The following ENPP6 variants were observed in gnomAD, a reference collection of about 807,000 sequenced individuals.
ENPP6 encodes ectonucleotide pyrophosphatase/phosphodiesterase 6.
A neutral mutation model predicts 42.0 loss-of-function variants in ENPP6; 32 were observed. That is an observed-to-expected ratio of 0.76 (90% CI 0.58 to 1.02). ENPP6 has a LOEUF of 1.02. Ranked by LOEUF, ENPP6 falls within the 50% of genes least tolerant of loss-of-function variation. ENPP6 has a pLI of 0.00. For missense variants in ENPP6, 552 were observed against 566.8 expected, an observed-to-expected ratio of 0.97 and a Z score of 0.27; for synonymous variants, 213 against 216.0, an observed-to-expected ratio of 0.99 and a Z score of 0.12.
At chr4:184,127,298 G>GA (rs1314969633) in intron 2 of ENPP6, among the ~76,000 whole-genome samples, 3 of 151,254 alleles carry the variant, frequency 2.0e-5, no homozygotes, top group African/African-American at 7.3e-5. Context: ...TAACCATTAG[G>GA]AAAAAAACAA....
At chr4:184,160,725 T>A (rs972235432) in intron 1 of ENPP6, among the ~76,000 whole-genome samples, 1 of 152,202 alleles carries the variant, frequency 6.6e-6, no homozygotes, top group African/African-American at 2.4e-5. Context: ...GCTCTCCGTA[T>A]GACTGGTTCC....
chr4:184,099,294 G>A (rs532475606), intron 6 of ENPP6, among the ~76,000 whole-genome samples: 15 of 152,356 alleles, frequency 9.8e-5, no homozygotes, highest in South Asian at 6.2e-4. Context: ...CAGACACAAA[G>A]CACTAACAGG....
chr4:184,184,866 G>A lies in ENPP6; in HGVS notation c.242-31133C>T, dbSNP rs1336574920. Among the ~76,000 whole-genome samples the A allele has an allele frequency of 6.6e-6, 1 of 151,944 alleles. No homozygotes were observed. The highest frequency in any genetic ancestry group is 1.5e-5 in the Non-Finnish European group (1 of 67,960). ...TCTTGCCTCGAGAACCATGGCAGTC[G>A]ATTCCTGTTGTCTGAGCCACCCAGC... On this transcript the variant is annotated intron_variant, in intron 1 of 7. Coordinates refer to ENST00000296741, the MANE Select transcript of ENPP6 (RefSeq NM_153343.4). This position sits in a 1 kb window ranked among gnomAD's most constrained non-coding sequence, Gnocchi z 4.7.
At chr4:184,119,326 TGTGTGTGTGTGTG>T (rs552216222) in intron 3 of ENPP6, among the ~76,000 whole-genome samples, 1,506 of 26,014 alleles carry the variant, frequency 0.058, 26 homozygotes, top group African/African-American at 0.2. Flanking sequence ...TGTGTGTGTG[TGTGTGTGTGTGTG>T]TGTGTGTGTG....
intron 1 of ENPP6, among the ~76,000 whole-genome samples, chr4:184,162,884 GGCATGAAGAAGCAACCCAGGAGGAA>G (rs1488560494): frequency 6.6e-6 from 1 of 152,128 alleles, no homozygotes; most frequent in Non-Finnish European, 1.5e-5. Context: ...GGGAGCCAAT[GGCATGAAGAAGCAACCCAGGAGGAA>G]TGGCAGCAGC....
chr4:184,209,427 T>A (rs1283276245), intron 1 of ENPP6, among the ~76,000 whole-genome samples: 1 of 151,410 alleles, frequency 6.6e-6, no homozygotes, highest in Non-Finnish European at 1.5e-5. Flanking sequence ...GCTCGAGAAC[T>A]ACGTGAAGAA....
At chr4:184,093,113 C>T (rs898426055) in intron 7 of ENPP6, among the ~76,000 whole-genome samples, 2 of 152,136 alleles carry the variant, frequency 1.3e-5, no homozygotes, top group South Asian at 4.1e-4. Flanking sequence ...CCAGCCTGCA[C>T]CCAGCATGCA....
chr4:184,101,207 G>A (rs1320545868), intron 6 of ENPP6, among the ~76,000 whole-genome samples: 1 of 152,016 alleles, frequency 6.6e-6, no homozygotes, highest in Admixed American at 6.6e-5. Context: ...GAGTGTGTGA[G>A]TGCATGAGTG....
At chr4:184,185,315 T>A (rs1732615698) in intron 1 of ENPP6, among the ~76,000 whole-genome samples, 1 of 152,174 alleles carries the variant, frequency 6.6e-6, no homozygotes, top group South Asian at 2.1e-4. Context: ...TGAATGTCAC[T>A]AAATTCACAC....
At position 184,127,608 on chromosome 4, in the gene ENPP6, C is replaced by T. The variant is rs148811866; in HGVS notation, c.422-3336G>A. Among the ~76,000 whole-genome samples the T allele has an allele frequency of 5.2e-3, 796 of 152,192 alleles. 9 individuals are homozygous for T. Among genetic ancestry groups the T allele is most frequent in the South Asian group, 0.038 (181 of 4,818 alleles). On this transcript the variant is annotated intron_variant, in intron 2 of 7. Transcript: ENST00000296741. ...CCCTGCCTCTACCAAAAATATAAAA[C>T]TAGCCAGGCGTAGTGCTGTGTGCCT...
At chr4:184,105,338 G>T (rs1002073865) in intron 6 of ENPP6, among the ~76,000 whole-genome samples, 8 of 152,206 alleles carry the variant, frequency 5.3e-5, no homozygotes, top group Admixed American at 5.2e-4. Context: ...TTCTGTTTCT[G>T]CAAGTGTGAA....
Position 184,117,909 on chromosome 4 carries a change from A to G in ENPP6, c.534-9T>C. 6.2e-7 allele frequency: 1 copy of G among 1,613,548 alleles called. No individual in the cohort carries two copies. Among genetic ancestry groups the G allele is most frequent in the Non-Finnish European group, 8.5e-7 (1 of 1,179,796 alleles). On this transcript the variant is annotated splice_polypyrimidine_tract_variant and intron_variant, in intron 3 of 7. Coordinates refer to ENST00000296741, the MANE Select transcript of ENPP6 (RefSeq NM_153343.4). Reference sequence around the variant, plus strand: ...GGTCGGCCCGGCCACTCCTGGAGGGACAGAGGAGAGAGGCATAGGTGAGGG... The same window carrying G: ...GGTCGGCCCGGCCACTCCTGGAGGGGCAGAGGAGAGAGGCATAGGTGAGGG...
chr4:184,107,784 G>T (rs9999626), intron 6 of ENPP6, among the ~76,000 whole-genome samples: 53,295 of 151,666 alleles, frequency 0.35, 10,728 homozygotes, highest in Non-Finnish European at 0.47. Flanking sequence ...GCGTGGTGGC[G>T]GGCGCCTGTT....
intron 6 of ENPP6, 21 bp from the exon 7 acceptor site, chr4:184,097,389 C>T (rs1057294668): frequency 1.2e-6 from 2 of 1,613,528 alleles, no homozygotes; most frequent in Admixed American, 1.7e-5. Flanking sequence ...GCAAGGCAGA[C>T]ACATGACACT....
At chr4:184,127,792 A>G (rs770638763) in intron 2 of ENPP6, among the ~76,000 whole-genome samples, 1 of 152,246 alleles carries the variant, frequency 6.6e-6, no homozygotes, top group Non-Finnish European at 1.5e-5. Context: ...AGCCTAAGTG[A>G]TAACTATTAA....
In ENPP6 at chr4:184,145,415, T is replaced by C. The variant is rs561822441; in HGVS notation, c.421+8139A>G. Reference sequence around the variant, plus strand: ...AATGACACATTTTGTTTTCCATTCCTGAGGCAGCGCTCAATTGATTTTAAG... The same window carrying C: ...AATGACACATTTTGTTTTCCATTCCCGAGGCAGCGCTCAATTGATTTTAAG... On this transcript the variant is annotated intron_variant, in intron 2 of 7. Coordinates refer to ENST00000296741, the MANE Select transcript of ENPP6 (RefSeq NM_153343.4). Among the ~76,000 whole-genome samples the C allele has an allele frequency of 2.0e-3, 300 of 152,372 alleles. 5 individuals carry two copies. In the South Asian group the frequency reaches 0.053, roughly 27 times the overall value.
chr4:184,114,181 G>A (rs1736276864), intron 5 of ENPP6, among the ~76,000 whole-genome samples: 1 of 152,086 alleles, frequency 6.6e-6, no homozygotes, highest in African/African-American at 2.4e-5. Flanking sequence ...GGCCAGGCTG[G>A]TCTTGAACCC....
intron 5 of ENPP6, among the ~76,000 whole-genome samples, chr4:184,116,162 G>C (rs1736310335): frequency 6.6e-6 from 1 of 152,170 alleles, no homozygotes; most frequent in African/African-American, 2.4e-5. Context: ...GGCAAAGCTT[G>C]CAGTGAGCCG....
intron 2 of ENPP6, among the ~76,000 whole-genome samples, chr4:184,134,615 CTCTT>C (rs1736700780): frequency 2.0e-5 from 3 of 151,786 alleles, no homozygotes; most frequent in Admixed American, 6.6e-5. Context: ...TGTGTCTTCT[CTCTT>C]TATTTCTTTA....
Sources: allele counts gnomAD v4.1 joint callset (sites outside exome capture counted in the v4.1 genomes callset), GRCh38; gene constraint gnomAD v4.1.1; non-coding constraint Gnocchi (gnomAD v3.1); transcripts MANE v1.5; gene names NCBI Gene and HGNC (gene_info 2026-07-23, HGNC 2026-07-21).